Variants in ENKUR observed in about 807,000 individuals in gnomAD.
ENKUR encodes the protein enkurin, TRPC channel interacting protein, also known as enkurin.
Under a neutral mutation model 27.6 loss-of-function variants are expected in ENKUR, and 19 were observed. The ratio of observed to expected loss-of-function variants is 0.69; its 90% CI spans 0.48 to 1.01. The LOEUF (loss-of-function observed/expected upper bound fraction) is 1.01. Ranked by LOEUF, ENKUR falls within the 50% of genes least tolerant of loss-of-function variation. The probability of loss-of-function intolerance (pLI) is 0.00; values close to 1 mark genes in which losing one functional copy is unlikely to be tolerated. For missense variants in ENKUR, 312 were observed against 310.5 expected (o/e 1.00, Z -0.04); for synonymous variants, 117 against 96.9 (o/e 1.21, Z -1.22).
At position 25,023,682 on chromosome 10, in the gene ENKUR, C is replaced by T. The variant is rs1421846835; in HGVS notation, c.38-27813G>A. The T allele has an allele frequency of 5.0e-6, 8 of 1,613,776 alleles. No individual in the cohort carries two copies. In the African/African-American group the frequency reaches 6.7e-5, roughly 13 times the overall value. On this transcript the variant is annotated intron_variant, in intron 2 of 5. Coordinates refer to the ENKUR transcript ENST00000615958. ...TGAAGAAAAATGGAATAATTGTATA[C>T]CTGGATGTACCTCTACTAGATCTAA...
At chr10:25,049,490 A>G (rs1851159335) in intron 2 of ENKUR, among the ~76,000 whole-genome samples, 2 of 152,192 alleles carry the variant, frequency 1.3e-5, no homozygotes, top group Admixed American at 6.5e-5. Context: ...TAATGTTTGT[A>G]TCAAAACAAG....
At chr10:25,035,856 G>A (rs781664020) in intron 2 of ENKUR, among the ~76,000 whole-genome samples, 1 of 152,278 alleles carries the variant, frequency 6.6e-6, no homozygotes, top group South Asian at 2.1e-4. Flanking sequence ...TCTGGACAGC[G>A]TTGAACATAC....
upstream of ENKUR, among the ~76,000 whole-genome samples, chr10:25,017,338 GTTTAAAAGACA>G (rs1254194105): frequency 6.6e-6 from 1 of 152,144 alleles, no homozygotes; most frequent in African/African-American, 2.4e-5. Flanking sequence ...TTACCCGAGT[GTTTAAAAGACA>G]TTTTGGTAAT....
At chr10:25,056,704 C>T (rs180823539) in intron 2 of ENKUR, among the ~76,000 whole-genome samples, 46 of 152,266 alleles carry the variant, frequency 3.0e-4, no homozygotes, top group African/African-American at 1.1e-3. Context: ...CATACTGAAA[C>T]GTTAGTGCCT....
upstream of ENKUR, among the ~76,000 whole-genome samples, chr10:25,018,002 A>G (rs1057205540): frequency 1.3e-5 from 2 of 152,238 alleles, no homozygotes; most frequent in South Asian, 4.1e-4. Flanking sequence ...TTCCTGAAAT[A>G]GCAAGTAAGG....
chr10:25,039,009 A>C (rs1359465472), intron 2 of ENKUR, among the ~76,000 whole-genome samples: 1 of 152,152 alleles, frequency 6.6e-6, no homozygotes, highest in Admixed American at 6.5e-5. Flanking sequence ...TGAACTCAAA[A>C]TTTTTACTGC....
At chr10:24,989,646 G>A (rs909759507) in intron 4 of ENKUR, among the ~76,000 whole-genome samples, 1 of 152,134 alleles carries the variant, frequency 6.6e-6, no homozygotes, top group Non-Finnish European at 1.5e-5. Flanking sequence ...TTTAAGAAAT[G>A]TTTATTGATG....
intron 1 of ENKUR, among the ~76,000 whole-genome samples, chr10:25,006,234 G>A (rs1850310492): frequency 6.6e-6 from 1 of 152,078 alleles, no homozygotes; most frequent in Non-Finnish European, 1.5e-5. Flanking sequence ...TATCGTACTG[G>A]AACACTGGTC....
At chr10:24,995,163 A>G (rs1850018431) in intron 3 of ENKUR, among the ~76,000 whole-genome samples, 1 of 152,244 alleles carries the variant, frequency 6.6e-6, no homozygotes, top group African/African-American at 2.4e-5. Context: ...AAATATATTC[A>G]TGTTAAAATA....
intron 2 of ENKUR, chr10:25,024,599 TG>T (rs1459188242): frequency 6.2e-7 from 1 of 1,614,180 alleles, no homozygotes; most frequent in African/African-American, 1.3e-5. Flanking sequence ...TTTCTTACTG[TG>T]GAATATGGAA....
At chr10:25,024,520 G>A (rs1466694427) in intron 2 of ENKUR, 5 of 1,614,200 alleles carry the variant, frequency 3.1e-6, no homozygotes, top group East Asian at 2.2e-5. Context: ...GGCAGTGGGT[G>A]TTGAGTCAGA....
intron 3 of ENKUR, among the ~76,000 whole-genome samples, chr10:24,991,018 T>A (rs1295227380): frequency 6.6e-6 from 1 of 152,150 alleles, no homozygotes; most frequent in African/African-American, 2.4e-5. Flanking sequence ...AAAAATCTCT[T>A]GAATCTGGGA....
chr10:25,046,490 A>G (rs1047292223), intron 2 of ENKUR, among the ~76,000 whole-genome samples: 4 of 152,182 alleles, frequency 2.6e-5, no homozygotes, highest in African/African-American at 2.4e-5. Context: ...GCTTTAAAGA[A>G]GCAGCTCTAC....
chr10:25,016,240 C>A, upstream of ENKUR: 1 of 1,023,502 alleles, frequency 9.8e-7, no homozygotes, highest in Non-Finnish European at 1.2e-6. Flanking sequence ...TTCCCTCTTT[C>A]TGCAGCGCCT....
Position 24,990,543 on chromosome 10 carries a change from A to G in ENKUR, c.514T>C (p.Tyr172His). ...AGGTTTTCCTGGATATAACGATCAT[A>G]GTCTTCTTGGGCTTTCTTTATTTCC... Reference protein sequence around the residue: ...NEEIKKAQEDYDRYIQENLKK... With the variant: ...NEEIKKAQEDHDRYIQENLKK... Residue 172 changes from tyrosine (Y) to histidine (H), a missense_variant, in exon 4 of 6, where the codon TAT (tyrosine) becomes CAT (histidine). Physicochemically the swap from Tyr to His is moderately conservative, Grantham distance 83 (BLOSUM62 2). Transcript: ENST00000331161. 1 of 1,614,010 alleles carries G rather than the reference A, an allele frequency of 6.2e-7. No individual in the cohort carries two copies. The highest frequency in any genetic ancestry group is 2.2e-5 in the East Asian group (1 of 44,860).
intron 2 of ENKUR, among the ~76,000 whole-genome samples, chr10:25,056,081 A>G (rs1851253020): frequency 6.6e-6 from 1 of 152,128 alleles, no homozygotes; most frequent in African/African-American, 2.4e-5. Flanking sequence ...CTCCTTCAAG[A>G]TATTGTTATC....
rs192639707 is a variant in ENKUR, at chr10:25,044,666, G to A, written c.37+16446C>T. Among the ~76,000 whole-genome samples the A allele has an allele frequency of 1.2e-3, 177 of 152,270 alleles. 2 individuals carry two copies. Among genetic ancestry groups the A allele is most frequent in the African/African-American group, 4.1e-3 (171 of 41,550 alleles). ...TCTGCCTTGGCCTCCCAAAGTGCTG[G>A]GATTACAGGCATGAGCCACCATGCT... On this transcript the variant is annotated intron_variant, in intron 2 of 5. Coordinates refer to the ENKUR transcript ENST00000615958.
chr10:25,023,488 G>T (rs746629729), intron 2 of ENKUR: 20 of 1,613,964 alleles, frequency 1.2e-5, no homozygotes, highest in Non-Finnish European at 1.7e-5. Context: ...TGTGGATGAT[G>T]ATATCCTTGA....
In ENKUR at chr10:24,983,380, G is replaced by C. The variant is rs184079612; in HGVS notation, c.*990C>G. ...GGTCCCTGAGTGACTGCAGAAAAGGGTTCCTGCTGACCTGCTCACAGCAAA... is the reference window on the plus strand; with the variant it reads ...GGTCCCTGAGTGACTGCAGAAAAGGCTTCCTGCTGACCTGCTCACAGCAAA... On this transcript the variant is annotated 3_prime_UTR_variant, in exon 6 of 6. Coordinates refer to ENST00000331161, the MANE Select transcript of ENKUR (RefSeq NM_145010.4). 1 of 152,212 alleles carries C rather than the reference G, an allele frequency of 6.6e-6. No individual in the cohort carries two copies. The highest frequency in any genetic ancestry group is 1.5e-5 in the Non-Finnish European group (1 of 68,056). 9.4% of individuals were successfully genotyped at this position (152,212 alleles called of 1,614,324 possible).
Sources: gnomAD v4.1 joint callset for allele counts (sites outside exome capture counted in the v4.1 genomes callset) on GRCh38, gnomAD v4.1.1 for gene constraint, MANE v1.5 for transcripts, NCBI Gene and HGNC (gene_info 2026-07-23, HGNC 2026-07-21) for gene names.